The following RBFOX2 variants were observed in gnomAD, a reference collection of about 807,000 sequenced individuals.
RBFOX2 encodes the protein RNA binding fox-1 homolog 2.
Under a neutral mutation model 49.1 loss-of-function variants are expected in RBFOX2, and 10 were observed. The observed-to-expected ratio is 0.20, with a 90% CI of 0.13 to 0.35. The LOEUF is 0.35. RBFOX2 is among the 10% of genes least tolerant of loss of function. The pLI is 1.00. For synonymous variants in RBFOX2, 183 were observed against 187.4 expected, an observed-to-expected ratio of 0.98 and a Z score of 0.19; for missense variants, 323 against 486.9, an observed-to-expected ratio of 0.66 and a Z score of 3.17.
chr22:35,998,161 C>T (rs1030623047), intron 1 of RBFOX2: 2 of 152,052 alleles, frequency 1.3e-5, no homozygotes, highest in African/African-American at 2.4e-5. Flanking sequence ...AATTCTGATA[C>T]AATTTTATAT....
At chr22:35,828,410 T>G (rs142946940) in intron 1 of RBFOX2, among the ~76,000 whole-genome samples, 1 of 152,120 alleles carries the variant, frequency 6.6e-6, no homozygotes, top group Non-Finnish European at 1.5e-5. Context: ...ATTGAGAAGA[T>G]AGACCTAGAA....
intron 1 of RBFOX2, among the ~76,000 whole-genome samples, chr22:35,898,796 T>C (rs28458410): frequency 0.078 from 11,841 of 152,174 alleles, 483 homozygotes; most frequent in South Asian, 0.089. Context: ...CATACTGTAA[T>C]TTTATAGTGT....
chr22:35,802,651 T>C (rs1174454157), intron 2 of RBFOX2, among the ~76,000 whole-genome samples: 1 of 152,062 alleles, frequency 6.6e-6, no homozygotes, highest in East Asian at 1.9e-4. Flanking sequence ...CTCTGACAGC[T>C]AAAAGGGGCC....
At chr22:35,878,840 C>G (rs1229327136) in intron 1 of RBFOX2, among the ~76,000 whole-genome samples, 1 of 152,218 alleles carries the variant, frequency 6.6e-6, no homozygotes, top group Non-Finnish European at 1.5e-5. Context: ...ACATCATTCT[C>G]CTGCCTCAGC....
At chr22:35,926,211 A>T (rs1204240139) in intron 1 of RBFOX2, among the ~76,000 whole-genome samples, 1 of 152,326 alleles carries the variant, frequency 6.6e-6, no homozygotes, top group East Asian at 1.9e-4. Flanking sequence ...AATGTAACTC[A>T]CAAAATGGTA....
chr22:35,786,074 C>T (rs908080003), intron 2 of RBFOX2, among the ~76,000 whole-genome samples: 3 of 152,186 alleles, frequency 2.0e-5, no homozygotes, highest in Admixed American at 2.0e-4. Context: ...AAGACTGATT[C>T]CACAAACTCC....
Position 35,909,482 on chromosome 22 carries a change from T to C in RBFOX2, c.-34+29365A>G, listed in dbSNP as rs185195239. 1.5e-3 allele frequency among the ~76,000 whole-genome samples: 221 copies of C among 152,280 alleles called. 1 individual carries two copies. Among genetic ancestry groups the C allele is most frequent in the African/African-American group, 5.0e-3 (206 of 41,556 alleles). ...AACCCTGTTTTAGCATTTTACAAGT[T>C]GTCAAAAGGTAATACAACAATTTTA... On this transcript the variant is annotated intron_variant, in intron 1 of 13. Transcript: ENST00000359369.
intron 1 of RBFOX2, among the ~76,000 whole-genome samples, chr22:36,007,321 A>G (rs1569522211): frequency 6.6e-6 from 1 of 151,864 alleles, no homozygotes; most frequent in African/African-American, 2.4e-5. Flanking sequence ...TATCCTACAT[A>G]GAATAAACAA....
At chr22:35,958,499 C>T (rs1346382489) in intron 1 of RBFOX2, among the ~76,000 whole-genome samples, 1 of 152,220 alleles carries the variant, frequency 6.6e-6, no homozygotes, top group Non-Finnish European at 1.5e-5. Context: ...CCTCCTGCTG[C>T]TGTTGCTTCC....
intron 1 of RBFOX2, among the ~76,000 whole-genome samples, chr22:35,917,781 G>A (rs1024471160): frequency 6.6e-5 from 10 of 152,020 alleles, no homozygotes; most frequent in African/African-American, 2.4e-4. Context: ...CATCACAATC[G>A]CAATCTGTCA....
chr22:35,864,468 G>A (rs1017905487), intron 1 of RBFOX2, among the ~76,000 whole-genome samples: 1 of 152,188 alleles, frequency 6.6e-6, no homozygotes, highest in African/African-American at 2.4e-5. Flanking sequence ...ACATAATCAT[G>A]TGAGGCCCCA....
chr22:35,855,441 C>G (rs1324632312), intron 1 of RBFOX2, among the ~76,000 whole-genome samples: 1 of 152,118 alleles, frequency 6.6e-6, no homozygotes, highest in African/African-American at 2.4e-5. Context: ...GGGTCTCACT[C>G]TGTCACCCAG....
intron 1 of RBFOX2, among the ~76,000 whole-genome samples, chr22:35,880,905 A>T (rs2045794538): frequency 6.6e-6 from 1 of 152,230 alleles, no homozygotes; most frequent in Non-Finnish European, 1.5e-5. Flanking sequence ...AAAAGGGATT[A>T]AAAGATATAG....
At chr22:35,917,039 G>A (rs2050507582) in intron 1 of RBFOX2, among the ~76,000 whole-genome samples, 1 of 152,160 alleles carries the variant, frequency 6.6e-6, no homozygotes, top group Admixed American at 6.5e-5. Flanking sequence ...ACGGCCATCT[G>A]ACAACCTTAT....
chr22:35,851,623 T>A (rs1332864827), intron 1 of RBFOX2, among the ~76,000 whole-genome samples: 1 of 152,058 alleles, frequency 6.6e-6, no homozygotes, highest in Non-Finnish European at 1.5e-5. Context: ...GGTCAGGAGT[T>A]CGAGACCAGC....
chr22:35,923,160 C>A (rs149663158), intron 1 of RBFOX2, among the ~76,000 whole-genome samples: 40 of 152,204 alleles, frequency 2.6e-4, no homozygotes, highest in Non-Finnish European at 4.7e-4. Context: ...ATAAAAGCAT[C>A]CCATCTTACA....
At chr22:35,787,955 T>C (rs1219878157) in intron 2 of RBFOX2, among the ~76,000 whole-genome samples, 1 of 152,138 alleles carries the variant, frequency 6.6e-6, no homozygotes, top group African/African-American at 2.4e-5. Context: ...AACCTATACA[T>C]CTACCCTTCA....
intron 1 of RBFOX2, among the ~76,000 whole-genome samples, chr22:35,931,425 G>A (rs2052396684): frequency 6.6e-6 from 1 of 152,108 alleles, no homozygotes; most frequent in Non-Finnish European, 1.5e-5. Context: ...CCAGCTGGGG[G>A]GCCTTAGAGC....
intron 1 of RBFOX2, among the ~76,000 whole-genome samples, chr22:35,832,023 C>T (rs1956898771): frequency 1.3e-5 from 2 of 152,188 alleles, no homozygotes; most frequent in Non-Finnish European, 2.9e-5. Flanking sequence ...AATATCCCTT[C>T]ATTTTTGAAA....
Sources: gnomAD v4.1 joint callset for allele counts (sites outside exome capture counted in the v4.1 genomes callset) on GRCh38, gnomAD v4.1.1 for gene constraint, MANE v1.5 for transcripts, NCBI Gene and HGNC (gene_info 2026-07-23, HGNC 2026-07-21) for gene names.